PTPRT: variants seen among roughly 807,000 people sequenced by gnomAD.
PTPRT encodes the protein protein tyrosine phosphatase receptor type T, also known as receptor-type tyrosine-protein phosphatase T.
PTPRT carries 56 observed loss-of-function variants against 176.8 expected under a neutral mutation model. The observed-to-expected ratio is 0.32, with a 90% confidence interval of 0.26 to 0.40. The LOEUF is 0.40. PTPRT is among the 10% of genes least tolerant of loss of function. The probability of loss-of-function intolerance (pLI) is 1.00; values close to 1 mark genes in which losing one functional copy is unlikely to be tolerated. For synonymous variants in PTPRT, 783 were observed against 739.0 expected (o/e 1.06, Z -0.96); for missense variants, 1,540 against 1,908.2 (o/e 0.81, Z 3.60).
At chr20:42,577,867 G>GTGTGTGTGTGTT (rs2073290227) in intron 7 of PTPRT, among the ~76,000 whole-genome samples, 1 of 140,874 alleles carries the variant, frequency 7.1e-6, no homozygotes, top group African/African-American at 2.8e-5. Context: ...GTGTGTGTGT[G>GTGTGTGTGTGTT]TACAGGCATA....
chr20:42,350,641 C>A lies in PTPRT; in HGVS notation c.1852G>T (p.Gly618Ter). 1 of 1,610,706 alleles carries A rather than the reference C, an allele frequency of 6.2e-7. No homozygotes were observed. The highest frequency in any genetic ancestry group is 8.5e-7 in the Non-Finnish European group (1 of 1,176,890). Residue 618 changes from glycine to a stop codon, truncating the protein, a stop_gained, in exon 11 of 31, where the codon GGA (glycine) becomes TGA (stop). Coordinates refer to ENST00000373187, the MANE Select transcript of PTPRT (RefSeq NM_007050.6). LOFTEE classifies it high-confidence loss of function. Reference sequence around the variant, plus strand: ...AACCATCCTCACCTGACAGGAGCTCCCCGGGACTGAGCGGGTTTCAGCATC... The same window carrying A: ...AACCATCCTCACCTGACAGGAGCTCACCGGGACTGAGCGGGTTTCAGCATC... ...TVMLKPAQSRGAPVSVYQLVV... is the reference protein window; with the variant it reads ...TVMLKPAQSR
intron 7 of PTPRT, among the ~76,000 whole-genome samples, chr20:42,626,688 G>GC (rs1025965153): frequency 3.6e-4 from 55 of 152,274 alleles, no homozygotes; most frequent in African/African-American, 1.3e-3. Context: ...GGAGAAACGG[G>GC]CCCCCTGGGA....
chr20:42,736,748 C>G lies in PTPRT; in HGVS notation c.859+19714G>C, dbSNP rs569416342. ...TATGCCCTTCTGTGGGCAATAGGGC[C>G]TTGGCAGGGGAAGGGGGCAGGCTCT... is the stretch of plus-strand genomic sequence containing the variant. On this transcript the variant is annotated intron_variant, in intron 6 of 30. Coordinates refer to ENST00000373187, the MANE Select transcript of PTPRT (RefSeq NM_007050.6). Among the ~76,000 whole-genome samples the G allele has an allele frequency of 1.3e-3, 191 of 152,204 alleles. 1 individual carries two copies. The highest frequency in any genetic ancestry group is 4.5e-3 in the African/African-American group (185 of 41,526).
chr20:42,902,270 T>TC (rs2145918124), intron 1 of PTPRT, among the ~76,000 whole-genome samples: 1 of 152,170 alleles, frequency 6.6e-6, no homozygotes, highest in South Asian at 2.1e-4. Context: ...TTGGCAGGCC[T>TC]CCCCCAGCAA....
chr20:42,387,792 CTTTT>C (rs773081937), intron 9 of PTPRT, among the ~76,000 whole-genome samples: 2 of 135,860 alleles, frequency 1.5e-5, no homozygotes, highest in Non-Finnish European at 1.6e-5. Context: ...TGCTAATATT[CTTTT>C]TTTTTTTTTT....
At chr20:42,276,899 G>A (rs2057049331) in intron 13 of PTPRT, among the ~76,000 whole-genome samples, 1 of 152,024 alleles carries the variant, frequency 6.6e-6, no homozygotes, top group African/African-American at 2.4e-5. Context: ...TCTGTTAAAT[G>A]AGAGCATCTC....
At chr20:42,061,536 T>C in the PTPRT span, among the ~76,000 whole-genome samples, 1 of 152,220 alleles carries the variant, frequency 6.6e-6, no homozygotes, top group South Asian at 2.1e-4. Flanking sequence ...TATTACTTTT[T>C]ACTTGAGTCT....
intron 1 of PTPRT, among the ~76,000 whole-genome samples, chr20:42,987,307 TAAATA>T (rs755195195): frequency 3.3e-5 from 5 of 152,106 alleles, no homozygotes; most frequent in Admixed American, 6.5e-5. Flanking sequence ...TGACTGACAT[TAAATA>T]AAATGTCAAA....
chr20:42,741,472 G>C (rs976799077), intron 6 of PTPRT, among the ~76,000 whole-genome samples: 1 of 152,126 alleles, frequency 6.6e-6, no homozygotes, highest in East Asian at 1.9e-4. Context: ...AGTATCCCGA[G>C]TAGTTGGGAT....
chr20:42,809,766 G>A (rs2077668734), intron 2 of PTPRT, among the ~76,000 whole-genome samples: 1 of 151,968 alleles, frequency 6.6e-6, no homozygotes, highest in African/African-American at 2.4e-5. Flanking sequence ...TCTCACTTTT[G>A]CAGCTATCAT....
At chr20:42,730,457 C>T (rs2076443619) in intron 6 of PTPRT, among the ~76,000 whole-genome samples, 1 of 152,100 alleles carries the variant, frequency 6.6e-6, no homozygotes, top group South Asian at 2.1e-4. Flanking sequence ...AAATTGGACT[C>T]GAGGTAGCCA....
intron 9 of PTPRT, 61 bp from the exon 10 acceptor site, chr20:42,352,346 A>G (rs1445376566): frequency 6.4e-7 from 1 of 1,570,486 alleles, no homozygotes; most frequent in East Asian, 2.2e-5. Flanking sequence ...AGCTGGATGG[A>G]GCTCCTTTAG....
intron 1 of PTPRT, among the ~76,000 whole-genome samples, chr20:42,940,305 G>A (rs1201792135): frequency 2.0e-5 from 3 of 152,170 alleles, no homozygotes; most frequent in Admixed American, 6.5e-5. Context: ...GGTATTCTGG[G>A]GGATGTAAAA....
chr20:43,166,917 G>C (rs1393094218), intron 1 of PTPRT, among the ~76,000 whole-genome samples: 2 of 152,130 alleles, frequency 1.3e-5, no homozygotes, highest in African/African-American at 4.8e-5. Context: ...GGTCCTTTTA[G>C]GCTTCCCTGT....
chr20:42,178,812 G>C (rs6124427), intron 16 of PTPRT, among the ~76,000 whole-genome samples: 51,735 of 151,996 alleles, frequency 0.34, 9,182 homozygotes, highest in Admixed American at 0.38. Context: ...TGCAGTATGG[G>C]ACTCAGTTCC....
At chr20:42,213,908 T>C (rs891888410) in intron 15 of PTPRT, among the ~76,000 whole-genome samples, 4 of 152,206 alleles carry the variant, frequency 2.6e-5, no homozygotes, top group African/African-American at 9.6e-5. Flanking sequence ...TACAGTAGCC[T>C]GAGGAAACTA....
chr20:42,654,103 G>A (rs373717121), intron 7 of PTPRT, among the ~76,000 whole-genome samples: 2 of 152,236 alleles, frequency 1.3e-5, no homozygotes, highest in African/African-American at 4.8e-5. Flanking sequence ...AGGAAAGGTA[G>A]TGACAACACT....
chr20:42,928,492 C>T (rs1373228766), intron 1 of PTPRT, among the ~76,000 whole-genome samples: 1 of 152,136 alleles, frequency 6.6e-6, no homozygotes, highest in Non-Finnish European at 1.5e-5. Context: ...CCCCTTGCCA[C>T]AGAACATGTG....
At chr20:43,084,521 T>C (rs933798665) in intron 1 of PTPRT, among the ~76,000 whole-genome samples, 2 of 152,182 alleles carry the variant, frequency 1.3e-5, no homozygotes, top group Non-Finnish European at 2.9e-5. Flanking sequence ...GAGAACAGCA[T>C]GGGGGAAACC....
Sources: allele counts gnomAD v4.1 joint callset (sites outside exome capture counted in the v4.1 genomes callset), GRCh38; gene constraint gnomAD v4.1.1; transcripts MANE v1.5; gene names NCBI Gene and HGNC (gene_info 2026-07-23, HGNC 2026-07-21).